NBEAL1: variants seen among roughly 807,000 people sequenced by gnomAD.
NBEAL1 encodes neurobeachin like 1.
In NBEAL1, 273 loss-of-function variants were observed where a neutral mutation model predicts 351.3. The ratio of observed to expected loss-of-function variants is 0.78; its 90% CI spans 0.70 to 0.86. The LOEUF (loss-of-function observed/expected upper bound fraction) is 0.86. Among genes scored for constraint, NBEAL1 ranks in the 40% least tolerant of loss-of-function variants. NBEAL1 has a pLI of 0.00. For missense variants in NBEAL1, 2,961 were observed against 3,201.3 expected, an observed-to-expected ratio of 0.92 and a Z score of 1.81; for synonymous variants, 1,050 against 1,086.4, an observed-to-expected ratio of 0.97 and a Z score of 0.66.
intron 37 of NBEAL1, among the ~76,000 whole-genome samples, chr2:203,166,932 A>G (rs1341587003): frequency 6.6e-6 from 1 of 152,138 alleles, no homozygotes; most frequent in African/African-American, 2.4e-5. Context: ...TTTATGTGAT[A>G]ATAAAAGGAT....
At chr2:203,040,858 C>T (rs777069655) in intron 2 of NBEAL1, 96 of 439,414 alleles carry the variant, frequency 2.2e-4, no homozygotes, top group African/African-American at 7.6e-4. Context: ...ACATGGCTAT[C>T]GGGGTGAATG....
rs1333388240 is a variant in NBEAL1, at chr2:203,121,669, AC to A, written c.2593-584del. On this transcript the variant is annotated intron_variant, in intron 18 of 55. Coordinates refer to ENST00000683969, the MANE Select transcript of NBEAL1 (RefSeq NM_001378026.1). ...CTCTGTCTCCAAAAAAAAAAAAAAA[AC>A]ATCACTGTGGCTGGCGAACAAGTTC... Among the ~76,000 whole-genome samples, 217 of 151,852 alleles carry A rather than the reference AC, an allele frequency of 1.4e-3. 1 individual carries two copies. Among genetic ancestry groups the A allele is most frequent in the South Asian group, 5.0e-3 (24 of 4,802 alleles).
At chr2:203,014,620 T>C (rs1054545372), upstream of NBEAL1, 3 of 152,254 alleles carry the variant, frequency 2.0e-5, no homozygotes, top group Non-Finnish European at 2.9e-5. Flanking sequence ...CCCTCCTCCA[T>C]GTCCAGCTGA....
rs140033408 is a variant in NBEAL1, at chr2:203,045,211, G to A, written c.143+3355G>A. Among the ~76,000 whole-genome samples the A allele has an allele frequency of 2.7e-3, 412 of 152,234 alleles. 1 individual carries two copies. The highest frequency in any genetic ancestry group is 0.017 in the Middle Eastern group (5 of 292). On this transcript the variant is annotated intron_variant, in intron 3 of 55. Transcript: ENST00000683969. ...AAACCAATGTGCATATAGAGAATGG[G>A]ATGACCAAGAACAAGGAAATACTCT...
intron 25 of NBEAL1, among the ~76,000 whole-genome samples, 155 bp downstream of exon 25, chr2:203,130,631 G>T (rs1158118810): frequency 6.6e-6 from 1 of 151,910 alleles, no homozygotes; most frequent in African/African-American, 2.4e-5. Flanking sequence ...TGTTTCAGTT[G>T]TTTGCATATT....
rs187659590 is a variant in NBEAL1 at position 203,016,775 on chromosome 2, G to A, written c.51+340G>A. Among the ~76,000 whole-genome samples, 817 of 152,244 alleles carry A rather than the reference G, an allele frequency of 5.4e-3. 10 individuals carry two copies. The highest frequency in any genetic ancestry group is 0.019 in the African/African-American group (770 of 41,542). On this transcript the variant is annotated intron_variant, in intron 2 of 55. Coordinates refer to ENST00000683969, the MANE Select transcript of NBEAL1 (RefSeq NM_001378026.1). ...CATTTTCTCCCACAAGTGAGTGTAG[G>A]ATAGAGACATTTTTATGAGAAGGGC...
At chr2:203,183,803 G>A (rs1039745422) in intron 44 of NBEAL1, among the ~76,000 whole-genome samples, 3 of 152,132 alleles carry the variant, frequency 2.0e-5, no homozygotes, top group Non-Finnish European at 4.4e-5. Flanking sequence ...GCCAAGCACA[G>A]TGGCTCACAC....
At position 203,211,644 on chromosome 2, in the gene NBEAL1, A is replaced by G. The variant is rs115019108; in HGVS notation, c.7934+538A>G. Among the ~76,000 whole-genome samples the G allele has an allele frequency of 4.5e-3, 690 of 152,308 alleles. 5 individuals are homozygous for G. The highest frequency in any genetic ancestry group is 0.015 in the African/African-American group (635 of 41,560). On this transcript the variant is annotated intron_variant, in intron 54 of 55. Coordinates refer to ENST00000683969, the MANE Select transcript of NBEAL1 (RefSeq NM_001378026.1). ...GGACAACACAGCAAGACCCTGTCTC[A>G]AAAGAAATGTTTTAAATATGTAGAG...
chr2:203,152,936 G>C (rs1267359730), intron 35 of NBEAL1, among the ~76,000 whole-genome samples: 4 of 151,964 alleles, frequency 2.6e-5, no homozygotes, highest in Non-Finnish European at 5.9e-5. Context: ...TACTCCAGAG[G>C]CTGAAGCAGG....
Position 203,157,797 on chromosome 2 carries a change from G to A in NBEAL1, c.5686G>A (p.Glu1896Lys). 1 of 1,586,384 alleles carries A rather than the reference G, an allele frequency of 6.3e-7. No homozygotes were observed. Among genetic ancestry groups the A allele is most frequent in the Non-Finnish European group, 8.6e-7 (1 of 1,167,420 alleles). Residue 1896 changes from glutamate to lysine, a missense_variant, in exon 36 of 56, where the codon GAA becomes AAA. Transcript: ENST00000683969. Reference protein sequence around the residue: ...DMVEDKLDLPEEDITARVNVD... With the variant: ...DMVEDKLDLPKEDITARVNVD... The stretch of plus-strand genomic sequence containing the variant: ...GGTGGAGGATAAATTAGACCTTCCT[G>A]AAGAGGATATAACAGCTAGAGTAAA...
intron 7 of NBEAL1, among the ~76,000 whole-genome samples, chr2:203,070,855 T>C (rs1217651688): frequency 6.6e-6 from 1 of 152,064 alleles, no homozygotes; most frequent in Non-Finnish European, 1.5e-5. Context: ...AGGCCCCACC[T>C]CCAACACTGG....
rs1307883148 is a variant in NBEAL1, at chr2:203,126,734, GA to G, written c.3145+19del. 6.6e-7 allele frequency: 1 copy of G among 1,511,802 alleles called. No individual in the cohort carries two copies. Among genetic ancestry groups the G allele is most frequent in the East Asian group, 2.5e-5 (1 of 40,552 alleles). The allele number at this position is 1,511,802 out of a possible 1,614,324, so 93.6% of individuals were successfully genotyped here. ...TCGAATCGGTGAGAGCAGGCTTTCA[GA>G]TAAACATTTTATAGTTGTTTTAGAA... is the stretch of plus-strand genomic sequence containing the variant. On this transcript the variant is annotated intron_variant, in intron 22 of 55. Transcript: ENST00000683969.
chr2:203,149,129 A>AGGGGACCT lies in NBEAL1; in HGVS notation c.5444_5451dup (p.Trp1818GlyfsTer16). On this transcript the variant is annotated frameshift_variant, in exon 34 of 56. Transcript: ENST00000683969. LOFTEE classifies it high-confidence loss of function. ...AATACAGCTCTATCTTACATGTGAA[A>AGGGGACCT]GGGGACCTTGGGCTAAAAGGTAAGA... The AGGGGACCT allele has an allele frequency of 1.2e-6, 2 of 1,600,364 alleles. No individual in the cohort carries two copies. The highest frequency in any genetic ancestry group is 1.7e-6 in the Non-Finnish European group (2 of 1,172,418).
Position 203,137,968 on chromosome 2 carries a change from G to A in NBEAL1, c.4566-194G>A, listed in dbSNP as rs148615770. Among the ~76,000 whole-genome samples the A allele has an allele frequency of 2.7e-3, 408 of 149,712 alleles. 1 individual carries two copies. Among genetic ancestry groups the A allele is most frequent in the Middle Eastern group, 0.017 (5 of 286 alleles). Reference sequence around the variant, plus strand: ...CATTGCACTCCGGCCTGGGCGACAAGAGCGATCTCTGCACTCCGTCTCAAA... The same window carrying A: ...CATTGCACTCCGGCCTGGGCGACAAAAGCGATCTCTGCACTCCGTCTCAAA... On this transcript the variant is annotated intron_variant, in intron 29 of 55. Coordinates refer to ENST00000683969, the MANE Select transcript of NBEAL1 (RefSeq NM_001378026.1).
chr2:203,219,305 A>G lies in NBEAL1; in HGVS notation c.*1951A>G, dbSNP rs915867141. On this transcript the variant is annotated 3_prime_UTR_variant, in exon 56 of 56. Transcript: ENST00000683969. ...GAGATTTTGATGTAAAAATGCCTTCATTTTTAAGATTACTTAATACTGGAT... is the reference window on the plus strand; with the variant it reads ...GAGATTTTGATGTAAAAATGCCTTCGTTTTTAAGATTACTTAATACTGGAT... 6.6e-6 allele frequency: 1 copy of G among 152,098 alleles called. No individual in the cohort carries two copies. Among genetic ancestry groups the G allele is most frequent in the African/African-American group, 2.4e-5 (1 of 41,428 alleles). The allele number at this position is 152,098 out of a possible 1,614,324, so 9.4% of individuals were successfully genotyped here. A position where few individuals can be genotyped will look rare whatever the true frequency, so the allele number is the denominator to read the frequency against.
At chr2:203,177,150 CAAA>C (rs201081239) in intron 42 of NBEAL1, among the ~76,000 whole-genome samples, 11 of 60,360 alleles carry the variant, frequency 1.8e-4, no homozygotes, top group Non-Finnish European at 2.0e-4. Flanking sequence ...AGCTCTATCT[CAAA>C]AAAAAAAAAA....
intron 38 of NBEAL1, among the ~76,000 whole-genome samples, chr2:203,169,290 G>A (rs2106403864): frequency 6.7e-6 from 1 of 150,042 alleles, no homozygotes; most frequent in East Asian, 2.0e-4. Flanking sequence ...AGGCAGAATT[G>A]AGAAGTAGCT....
intron 21 of NBEAL1, 40 bp downstream of exon 21, chr2:203,126,133 G>T: frequency 6.7e-7 from 1 of 1,486,204 alleles, no homozygotes; most frequent in South Asian, 1.4e-5. Flanking sequence ...GCTAATAATT[G>T]TGATTTGCAG....
At chr2:203,130,104 G>A (rs1370242288) in intron 24 of NBEAL1, among the ~76,000 whole-genome samples, 3 of 152,198 alleles carry the variant, frequency 2.0e-5, no homozygotes, top group Non-Finnish European at 4.4e-5. Flanking sequence ...CGAGGCTGCA[G>A]TGAGCTGTGA....
Sources: allele counts gnomAD v4.1 joint callset (sites outside exome capture counted in the v4.1 genomes callset), GRCh38; gene constraint gnomAD v4.1.1; transcripts MANE v1.5; gene names NCBI Gene and HGNC (gene_info 2026-07-23, HGNC 2026-07-21).